The following DLG2 variants were observed in gnomAD, a reference collection of about 807,000 sequenced individuals.
The protein encoded by DLG2 is disks large homolog 2.
In DLG2, 45 loss-of-function variants were observed where a neutral mutation model predicts 132.5. That is an observed-to-expected ratio of 0.34 (90% confidence interval 0.27 to 0.44). The LOEUF is 0.44. Among genes scored for constraint, DLG2 ranks in the 20% least tolerant of loss-of-function variants. The pLI, the probability that DLG2 is intolerant of heterozygous loss-of-function variation, is 1.00. For synonymous variants in DLG2, 424 were observed against 419.6 expected, an observed-to-expected ratio of 1.01 and a Z score of -0.13; for missense variants, 1,045 against 1,196.9, an observed-to-expected ratio of 0.87 and a Z score of 1.87.
chr11:84,183,991 T>A (rs535880100), intron 8 of DLG2, among the ~76,000 whole-genome samples: 3,670 of 151,956 alleles, frequency 0.024, 148 homozygotes, highest in African/African-American at 0.084. Context: ...GACATTTGGG[T>A]TGGTTCCAAG....
chr11:85,431,777 C>T (rs977906647), intron 3 of DLG2, among the ~76,000 whole-genome samples: 1 of 152,192 alleles, frequency 6.6e-6, no homozygotes, highest in Non-Finnish European at 1.5e-5. Context: ...TGAGTGGGGT[C>T]CCCCCAGCAC....
chr11:84,953,632 T>G (rs1332415825), intron 6 of DLG2, among the ~76,000 whole-genome samples: 1 of 152,186 alleles, frequency 6.6e-6, no homozygotes, highest in African/African-American at 2.4e-5. Context: ...TTGCAAATAT[T>G]AAGTGGGATA....
At chr11:83,825,167 ATATATTTTTTTTT>A (rs2052269486) in intron 17 of DLG2, among the ~76,000 whole-genome samples, 9 of 90,738 alleles carry the variant, frequency 9.9e-5, no homozygotes, top group African/African-American at 3.7e-4. Flanking sequence ...ATATATATAT[ATATATTTTTTTTT>A]TTTTTTTTTT....
At chr11:84,699,506 C>A (rs1472548709) in intron 6 of DLG2, among the ~76,000 whole-genome samples, 1 of 151,396 alleles carries the variant, frequency 6.6e-6, no homozygotes, top group Non-Finnish European at 1.5e-5. Flanking sequence ...AGTGACTAAT[C>A]CTAGACTAAC....
Position 85,453,097 on chromosome 11 carries a change from A to T in DLG2, c.40+145560T>A, listed in dbSNP as rs186220659. ...CACTTTTTGTCTTGCTACTAAAAAA[A>T]CAATTAACAGACAATTTGTGGATAA... On this transcript the variant is annotated intron_variant, in intron 3 of 27. Transcript: ENST00000376104. 1.6e-3 allele frequency: 360 copies of T among 220,168 alleles called. 2 individuals are homozygous for T. Among genetic ancestry groups the T allele is most frequent in the African/African-American group, 8.0e-3 (349 of 43,402 alleles). 13.6% of individuals were successfully genotyped at this position (220,168 alleles called of 1,614,324 possible). A position where few individuals can be genotyped will look rare whatever the true frequency, so the allele number is the denominator to read the frequency against.
At position 85,383,683 on chromosome 11, in the gene DLG2, A is replaced by G. The variant is rs115765988; in HGVS notation, c.41-98318T>C. Among the ~76,000 whole-genome samples, 264 of 152,318 alleles carry G rather than the reference A, an allele frequency of 1.7e-3. 1 individual carries two copies. Among genetic ancestry groups the G allele is most frequent in the African/African-American group, 6.2e-3 (256 of 41,576 alleles). Reference sequence around the variant, plus strand: ...ATATTTCAAATAAAATACAGCCTTTAAAATTTTAGTAATAACAATGATTTT... The same window carrying G: ...ATATTTCAAATAAAATACAGCCTTTGAAATTTTAGTAATAACAATGATTTT... On this transcript the variant is annotated intron_variant, in intron 3 of 27. Coordinates refer to ENST00000376104, the MANE Select transcript of DLG2 (RefSeq NM_001142699.3).
chr11:84,841,807 T>C (rs952348839), intron 6 of DLG2, among the ~76,000 whole-genome samples: 1 of 152,008 alleles, frequency 6.6e-6, no homozygotes, highest in African/African-American at 2.4e-5. Context: ...TGTTTTAGTC[T>C]TAGGTCTTCC....
At chr11:84,974,928 T>C (rs1362875199) in intron 6 of DLG2, among the ~76,000 whole-genome samples, 1 of 152,228 alleles carries the variant, frequency 6.6e-6, no homozygotes, top group African/African-American at 2.4e-5. Context: ...ATAAAATGAT[T>C]TAATTTGATC....
chr11:85,317,796 T>C (rs2080789967), intron 3 of DLG2, among the ~76,000 whole-genome samples: 1 of 151,602 alleles, frequency 6.6e-6, no homozygotes, highest in Admixed American at 6.6e-5. Context: ...TGGAGAAAAA[T>C]AACTAATGAG....
At chr11:84,407,821 TC>T (rs1219538191) in intron 7 of DLG2, among the ~76,000 whole-genome samples, 4 of 152,216 alleles carry the variant, frequency 2.6e-5, no homozygotes, top group Non-Finnish European at 4.4e-5. Flanking sequence ...AGCCCAGGCT[TC>T]CTGTGTCACA....
intron 4 of DLG2, among the ~76,000 whole-genome samples, chr11:85,269,417 GAAC>G (rs2077394629): frequency 6.6e-6 from 1 of 152,164 alleles, no homozygotes; most frequent in Non-Finnish European, 1.5e-5. Context: ...TGAACTACTT[GAAC>G]AACAAGATTT....
At chr11:84,804,243 G>A (rs933206078) in intron 6 of DLG2, among the ~76,000 whole-genome samples, 2 of 152,144 alleles carry the variant, frequency 1.3e-5, no homozygotes, top group African/African-American at 4.8e-5. Flanking sequence ...TGTTTACAGT[G>A]ACTTTGCCAG....
At chr11:84,485,303 T>C (rs1042265105) in intron 7 of DLG2, among the ~76,000 whole-genome samples, 1 of 152,160 alleles carries the variant, frequency 6.6e-6, no homozygotes, top group African/African-American at 2.4e-5. Flanking sequence ...TAACAAACAA[T>C]ACCCAATAAT....
At chr11:84,584,365 T>C (rs970122857) in intron 6 of DLG2, among the ~76,000 whole-genome samples, 1 of 152,004 alleles carries the variant, frequency 6.6e-6, no homozygotes, top group African/African-American at 2.4e-5. Context: ...GTTGTATTAT[T>C]TATATTTATT....
At chr11:83,949,565 G>A (rs2084894952) in intron 14 of DLG2, among the ~76,000 whole-genome samples, 1 of 152,054 alleles carries the variant, frequency 6.6e-6, no homozygotes, top group African/African-American at 2.4e-5. Context: ...GAAACCAAGG[G>A]ATAAATAGTG....
At chr11:84,390,324 G>A (rs1459426946) in intron 7 of DLG2, among the ~76,000 whole-genome samples, 1 of 152,092 alleles carries the variant, frequency 6.6e-6, no homozygotes, top group Non-Finnish European at 1.5e-5. Context: ...TGCACAAAAG[G>A]CACTATTTTG....
At chr11:83,682,491 T>C (rs1324333471) in intron 18 of DLG2, 103 of 964,770 alleles carry the variant, frequency 1.1e-4, no homozygotes, top group Non-Finnish European at 1.3e-4. Flanking sequence ...AATAAGATGC[T>C]TTCCCACCAT....
intron 6 of DLG2, among the ~76,000 whole-genome samples, chr11:84,708,848 C>T (rs143547618): frequency 1.4e-3 from 212 of 151,990 alleles, no homozygotes; most frequent in African/African-American, 4.6e-3. Context: ...AGGAATTAGG[C>T]AGGCCTGCAG....
At chr11:85,539,672 C>CA (rs1199835469) in intron 3 of DLG2, among the ~76,000 whole-genome samples, 3 of 151,896 alleles carry the variant, frequency 2.0e-5, no homozygotes, top group Non-Finnish European at 2.9e-5. Flanking sequence ...CATGATTTTT[C>CA]AAAAAATCAT....
Sources: allele counts gnomAD v4.1 joint callset (sites outside exome capture counted in the v4.1 genomes callset), GRCh38; gene constraint gnomAD v4.1.1; transcripts MANE v1.5; gene names NCBI Gene and HGNC (gene_info 2026-07-23, HGNC 2026-07-21).